Variants in IL34 observed in about 807,000 individuals in gnomAD.
IL34 encodes interleukin 34.
A neutral mutation model predicts 25.3 loss-of-function variants in IL34; 17 were observed. That is an observed-to-expected ratio of 0.67 (90% confidence interval 0.46 to 1.01). IL34 has a LOEUF of 1.01. IL34 is among the 50% of genes least tolerant of loss of function. The pLI is 0.00. For missense variants in IL34, 368 were observed against 312.9 expected (o/e 1.18, Z -1.33); for synonymous variants, 174 against 140.9 (o/e 1.23, Z -1.66).
chr16:70,594,010 A>G (rs931650257), intron 1 of IL34, among the ~76,000 whole-genome samples: 1 of 152,152 alleles, frequency 6.6e-6, no homozygotes, highest in African/African-American at 2.4e-5. Context: ...TTTCACCAAT[A>G]CCACACTATC....
chr16:70,654,487 C>A, intron 1 of IL34, 51 bp from the exon 2 acceptor site: 1 of 1,544,460 alleles, frequency 6.5e-7, no homozygotes, highest in African/African-American at 1.4e-5. Context: ...TTGTGGACGG[C>A]GTGGATGAGA....
intron 1 of IL34, among the ~76,000 whole-genome samples, chr16:70,626,446 G>T (rs955517853): frequency 3.3e-5 from 5 of 152,254 alleles, no homozygotes; most frequent in Admixed American, 6.5e-5. Flanking sequence ...GCCCAGGCTG[G>T]AATGGAATGG....
In IL34 at chr16:70,646,577, C is replaced by G. The variant is rs1049363585; in HGVS notation, c.-371C>G. On this transcript the variant is annotated 5_prime_UTR_variant, in exon 1 of 6. Coordinates refer to ENST00000288098, the MANE Select transcript of IL34 (RefSeq NM_001393494.1). ...AGATTTCACACTGAGCAGCTGCAGT[C>G]GGAGAAATCAGAGAAAGCGTCACCC... 3.4e-6 allele frequency: 1 copy of G among 290,454 alleles called. No individual in the cohort carries two copies. Among genetic ancestry groups the G allele is most frequent in the East Asian group, 6.7e-5 (1 of 15,034 alleles). 18.0% of individuals were successfully genotyped at this position (290,454 alleles called of 1,614,324 possible).
chr16:70,620,073 T>G (rs939755103), intron 1 of IL34, among the ~76,000 whole-genome samples: 4 of 152,154 alleles, frequency 2.6e-5, no homozygotes, highest in Non-Finnish European at 5.9e-5. Context: ...TTGTACACCT[T>G]GAAGGCGAGG....
chr16:70,659,775 G>A, intron 5 of IL34, 22 bp downstream of exon 5: 4 of 1,579,646 alleles, frequency 2.5e-6, no homozygotes, highest in African/African-American at 1.3e-5. Flanking sequence ...TCAGGGGATG[G>A]CGCCTGGGGG....
intron 1 of IL34, among the ~76,000 whole-genome samples, chr16:70,596,426 G>A (rs972043949): frequency 6.6e-6 from 1 of 152,226 alleles, no homozygotes; most frequent in Non-Finnish European, 1.5e-5. Context: ...GACAGGCTGT[G>A]ATATGGAGCC....
chr16:70,587,637 G>T (rs2050710235), intron 1 of IL34, among the ~76,000 whole-genome samples: 1 of 151,748 alleles, frequency 6.6e-6, no homozygotes, highest in Non-Finnish European at 1.5e-5. Flanking sequence ...GAGTCACCAT[G>T]CCTCTCCAGT....
intron 1 of IL34, among the ~76,000 whole-genome samples, chr16:70,647,635 G>A (rs537708646): frequency 3.9e-5 from 6 of 152,222 alleles, no homozygotes; most frequent in South Asian, 4.1e-4. Flanking sequence ...TGCCTCCCAC[G>A]TGCCCACTGC....
chr16:70,611,038 G>A (rs1280660544), intron 1 of IL34, among the ~76,000 whole-genome samples: 1 of 152,134 alleles, frequency 6.6e-6, no homozygotes. Context: ...CAGTGGCCTG[G>A]CACAATCTCA....
chr16:70,615,379 C>T (rs1230348997), intron 1 of IL34, among the ~76,000 whole-genome samples: 1 of 152,024 alleles, frequency 6.6e-6, no homozygotes, highest in Non-Finnish European at 1.5e-5. Context: ...TGGTGGTGCT[C>T]ACCTGTAGTC....
chr16:70,614,149 A>G (rs1597747403), intron 1 of IL34, among the ~76,000 whole-genome samples: 1 of 147,818 alleles, frequency 6.8e-6, no homozygotes, highest in Non-Finnish European at 1.5e-5. Context: ...ATGCCCCTGC[A>G]CTCCAGCCTG....
intron 2 of IL34, among the ~76,000 whole-genome samples, 159 bp downstream of exon 2, chr16:70,654,830 G>C (rs1386383414): frequency 1.3e-5 from 2 of 151,996 alleles, no homozygotes; most frequent in African/African-American, 4.8e-5. Context: ...CATGCACCTG[G>C]TCTGCACTTA....
chr16:70,615,464 G>A (rs930894447), intron 1 of IL34, among the ~76,000 whole-genome samples: 3 of 151,850 alleles, frequency 2.0e-5, no homozygotes, highest in Non-Finnish European at 4.4e-5. Flanking sequence ...CCGAGATTGC[G>A]CCACTGCACT....
intron 1 of IL34, among the ~76,000 whole-genome samples, chr16:70,609,424 A>G (rs894032987): frequency 5.3e-5 from 8 of 152,100 alleles, no homozygotes; most frequent in Non-Finnish European, 1.0e-4. Context: ...GCAAGCTGTT[A>G]AGTCCTGGGA....
intron 1 of IL34, among the ~76,000 whole-genome samples, chr16:70,625,156 T>G (rs1217872389): frequency 6.6e-6 from 1 of 151,712 alleles, no homozygotes; most frequent in East Asian, 1.9e-4. Context: ...GGCGTTTAGG[T>G]TTTAGGTCAG....
upstream of IL34, among the ~76,000 whole-genome samples, chr16:70,643,369 A>G (rs1597772149): frequency 6.6e-6 from 1 of 150,946 alleles, no homozygotes; most frequent in Non-Finnish European, 1.5e-5. Context: ...TGGCTGTTGC[A>G]CACTTTATTT....
At chr16:70,622,009 T>C (rs1357647710) in intron 1 of IL34, among the ~76,000 whole-genome samples, 1 of 152,112 alleles carries the variant, frequency 6.6e-6, no homozygotes, top group Non-Finnish European at 1.5e-5. Context: ...TGGGCGTATA[T>C]ACGTGCAAGT....
chr16:70,613,251 C>T (rs929737215), intron 1 of IL34, among the ~76,000 whole-genome samples: 11 of 152,176 alleles, frequency 7.2e-5, no homozygotes, highest in Admixed American at 2.0e-4. Flanking sequence ...TTTATTTCTC[C>T]GGAGAGTGAA....
intron 1 of IL34, among the ~76,000 whole-genome samples, chr16:70,647,242 G>A (rs1302848100): frequency 2.0e-5 from 3 of 152,212 alleles, no homozygotes. Flanking sequence ...AGGCACTGGG[G>A]GTAGGTGGCA....
Sources: gnomAD v4.1 joint callset for allele counts (sites outside exome capture counted in the v4.1 genomes callset) on GRCh38, gnomAD v4.1.1 for gene constraint, MANE v1.5 for transcripts, NCBI Gene and HGNC (gene_info 2026-07-23, HGNC 2026-07-21) for gene names.